The following ATRNL1 variants were observed in gnomAD, a reference collection of about 807,000 sequenced individuals.
ATRNL1 encodes attractin like 1.
A neutral mutation model predicts 182.7 loss-of-function variants in ATRNL1; 95 were observed. That is an observed-to-expected ratio of 0.52 (90% CI 0.44 to 0.62). ATRNL1 has a LOEUF of 0.62. Among genes scored for constraint, ATRNL1 ranks in the 20% least tolerant of loss-of-function variants. The probability of loss-of-function intolerance (pLI) is 0.00; values close to 1 mark genes in which losing one functional copy is unlikely to be tolerated. For missense variants in ATRNL1, 1,471 were observed against 1,679.5 expected, an observed-to-expected ratio of 0.88 and a Z score of 2.17; for synonymous variants, 576 against 568.3, an observed-to-expected ratio of 1.01 and a Z score of -0.19.
intron 27 of ATRNL1, among the ~76,000 whole-genome samples, chr10:115,834,100 G>A (rs1330621621): frequency 1.3e-5 from 2 of 152,148 alleles, no homozygotes; most frequent in Admixed American, 6.6e-5. Context: ...GGTGGCTACC[G>A]CTATGCTCTC....
intron 13 of ATRNL1, among the ~76,000 whole-genome samples, chr10:115,269,429 G>A (rs1165684603): frequency 6.6e-6 from 1 of 152,040 alleles, no homozygotes; most frequent in Non-Finnish European, 1.5e-5. Context: ...CCACCTCCTG[G>A]GTTCAAGTGA....
intron 27 of ATRNL1, among the ~76,000 whole-genome samples, chr10:115,743,821 A>G (rs1403123839): frequency 1.3e-5 from 2 of 151,644 alleles, no homozygotes; most frequent in Non-Finnish European, 2.9e-5. Flanking sequence ...ACATACAGTA[A>G]CTCAGACTTA....
intron 27 of ATRNL1, among the ~76,000 whole-genome samples, chr10:115,770,413 T>A (rs1948961423): frequency 6.6e-6 from 1 of 152,186 alleles, no homozygotes; most frequent in African/African-American, 2.4e-5. Flanking sequence ...GTATACTCAA[T>A]ATTTTCTAAG....
At chr10:115,816,213 T>C (rs577587328) in intron 27 of ATRNL1, among the ~76,000 whole-genome samples, 1 of 152,292 alleles carries the variant, frequency 6.6e-6, no homozygotes, top group East Asian at 1.9e-4. Context: ...CAATGTGATC[T>C]GCCAACTGCA....
chr10:115,777,866 A>G (rs1246665011), intron 27 of ATRNL1, among the ~76,000 whole-genome samples: 1 of 152,198 alleles, frequency 6.6e-6, no homozygotes, highest in Non-Finnish European at 1.5e-5. Flanking sequence ...CAAGTGAATA[A>G]TATAGATAAT....
chr10:115,368,995 T>C (rs978125128), intron 19 of ATRNL1, among the ~76,000 whole-genome samples: 2 of 152,088 alleles, frequency 1.3e-5, no homozygotes, highest in Non-Finnish European at 2.9e-5. Context: ...ATTACATGCA[T>C]AAGCCACTGC....
intron 28 of ATRNL1, among the ~76,000 whole-genome samples, chr10:115,920,357 G>A (rs1953013240): frequency 6.6e-6 from 1 of 152,164 alleles, no homozygotes; most frequent in Admixed American, 6.5e-5. Context: ...TGTCATCATT[G>A]CTGCTACTCA....
intron 24 of ATRNL1, among the ~76,000 whole-genome samples, chr10:115,509,897 G>A (rs1280900403): frequency 2.0e-5 from 3 of 151,850 alleles, no homozygotes; most frequent in East Asian, 1.9e-4. Flanking sequence ...CATTCTAATT[G>A]CCTTTGATAA....
chr10:115,580,531 C>A (rs1468079845), intron 26 of ATRNL1, among the ~76,000 whole-genome samples: 3 of 151,960 alleles, frequency 2.0e-5, no homozygotes, highest in African/African-American at 7.2e-5. Flanking sequence ...CGGTCTTTAA[C>A]TTTTGTCAAA....
At chr10:115,814,133 G>A (rs1950110943) in intron 27 of ATRNL1, among the ~76,000 whole-genome samples, 1 of 152,078 alleles carries the variant, frequency 6.6e-6, no homozygotes, top group African/African-American at 2.4e-5. Flanking sequence ...TCACATAAAT[G>A]TAAGATTAAG....
chr10:115,879,831 C>T (rs1555108141), intron 28 of ATRNL1, among the ~76,000 whole-genome samples: 1 of 152,048 alleles, frequency 6.6e-6, no homozygotes, highest in Non-Finnish European at 1.5e-5. Flanking sequence ...TCACGAGCAT[C>T]AGGAAATCAG....
chr10:115,511,137 A>G (rs1850364565), intron 24 of ATRNL1, among the ~76,000 whole-genome samples: 1 of 151,898 alleles, frequency 6.6e-6, no homozygotes, highest in Non-Finnish European at 1.5e-5. Flanking sequence ...TGTCTTTTAC[A>G]ATTGTCTATT....
chr10:115,491,629 G>A (rs868934201), intron 24 of ATRNL1, among the ~76,000 whole-genome samples: 1 of 152,126 alleles, frequency 6.6e-6, no homozygotes, highest in African/African-American at 2.4e-5. Context: ...TTCAACCTCA[G>A]ACTGCTGTGC....
At chr10:115,681,393 C>T (rs942851550) in intron 26 of ATRNL1, among the ~76,000 whole-genome samples, 13 of 151,954 alleles carry the variant, frequency 8.6e-5, no homozygotes, top group African/African-American at 2.9e-4. Context: ...CATAATAATC[C>T]AGTGAGGCAG....
intron 22 of ATRNL1, among the ~76,000 whole-genome samples, chr10:115,462,661 A>C (rs1554969997): frequency 6.6e-6 from 1 of 152,062 alleles, no homozygotes; most frequent in African/African-American, 2.4e-5. Flanking sequence ...TACTATATTA[A>C]ATGTATTTTA....
intron 27 of ATRNL1, among the ~76,000 whole-genome samples, chr10:115,780,357 C>G (rs1004452161): frequency 1.3e-5 from 2 of 152,156 alleles, no homozygotes; most frequent in Admixed American, 6.5e-5. Context: ...CTCTGGGGTT[C>G]TAAATAAACT....
At chr10:115,449,072 G>A (rs1847156634) in intron 21 of ATRNL1, among the ~76,000 whole-genome samples, 1 of 152,154 alleles carries the variant, frequency 6.6e-6, no homozygotes, top group African/African-American at 2.4e-5. Context: ...CAGTCCCTGG[G>A]AGGGCCCCAC....
In ATRNL1 at chr10:115,160,230, C is replaced by T. The variant is rs1564786616; in HGVS notation, c.1004+16C>T. ...TGGTCCTAAAGTAAGTATTTATTTT[C>T]AGATTCTTGCTGTTTTTTAAGCTGG... is the stretch of plus-strand genomic sequence containing the variant. On this transcript the variant is annotated intron_variant, in intron 6 of 28. Coordinates refer to ENST00000355044, the MANE Select transcript of ATRNL1 (RefSeq NM_207303.4). The T allele has an allele frequency of 3.8e-6, 6 of 1,566,128 alleles. No individual in the cohort carries two copies. Among genetic ancestry groups the T allele is most frequent in the Admixed American group, 3.6e-5 (2 of 55,110 alleles).
intron 27 of ATRNL1, among the ~76,000 whole-genome samples, chr10:115,839,156 A>G (rs1950746017): frequency 6.6e-6 from 1 of 152,158 alleles, no homozygotes; most frequent in Non-Finnish European, 1.5e-5. Flanking sequence ...AGTTTCAGGA[A>G]TAAATGTTTT....
Sources: gnomAD v4.1 joint callset for allele counts (sites outside exome capture counted in the v4.1 genomes callset) on GRCh38, gnomAD v4.1.1 for gene constraint, MANE v1.5 for transcripts, NCBI Gene and HGNC (gene_info 2026-07-23, HGNC 2026-07-21) for gene names.